SVOPL: variants seen among roughly 807,000 people sequenced by gnomAD.
SVOPL encodes the protein putative transporter SVOPL.
A neutral mutation model predicts 61.0 loss-of-function variants in SVOPL; 60 were observed. The observed-to-expected ratio is 0.98, with a 90% confidence interval of 0.80 to 1.22. SVOPL has a LOEUF of 1.22. SVOPL is among the 50% of genes most tolerant of loss of function. The pLI is 0.00. For missense variants in SVOPL, 662 were observed against 643.9 expected (o/e 1.03, Z -0.30); for synonymous variants, 279 against 250.0 (o/e 1.12, Z -1.09).
rs1799553001 is a variant in SVOPL, at chr7:138,621,233, T to C, written c.1264-98A>G. 6.8e-6 allele frequency: 6 copies of C among 884,058 alleles called. No homozygotes were observed. The Admixed American group carries it at 1.5e-4, about 22-fold the overall frequency. 54.8% of individuals were successfully genotyped at this position (884,058 alleles called of 1,614,324 possible). A position where few individuals can be genotyped will look rare whatever the true frequency, so the allele number is the denominator to read the frequency against. On this transcript the variant is annotated intron_variant, in intron 13 of 15. Transcript: ENST00000674285. ...TCCCCAGGTCAGGTTTTGGAATGCA[T>C]AGAGCACCAAACACAGTTACAGAAT...
chr7:138,637,483 TATAG>T (rs1473432689), intron 9 of SVOPL, among the ~76,000 whole-genome samples: 6 of 12,606 alleles, frequency 4.8e-4, no homozygotes, highest in African/African-American at 2.1e-3. Context: ...TAGATATAGA[TATAG>T]ATAGATATAT....
At chr7:138,687,825 TAG>T (rs1802854519) in intron 1 of SVOPL, among the ~76,000 whole-genome samples, 1 of 151,224 alleles carries the variant, frequency 6.6e-6, no homozygotes, top group Admixed American at 6.6e-5. Context: ...TTTTTTTAAA[TAG>T]AGTCTTGCTC....
chr7:138,651,571 A>G (rs552889801), intron 7 of SVOPL, among the ~76,000 whole-genome samples: 16 of 152,200 alleles, frequency 1.1e-4, no homozygotes, highest in East Asian at 3.9e-4. Flanking sequence ...TGCTCACTTC[A>G]TATCTCTGTC....
Position 138,594,508 on chromosome 7 carries a change from C to T in SVOPL, c.*102G>A. Reference sequence around the variant, plus strand: ...AAAAAAAAAATCACTTTACTAATTACCGAGTAGCATACAGAAGTAAAACCA... The same window carrying T: ...AAAAAAAAAATCACTTTACTAATTATCGAGTAGCATACAGAAGTAAAACCA... On this transcript the variant is annotated 3_prime_UTR_variant, in exon 16 of 16. Coordinates refer to ENST00000674285, the MANE Select transcript of SVOPL (RefSeq NM_001139456.2). 2 of 1,071,138 alleles carry T rather than the reference C, an allele frequency of 1.9e-6. No individual in the cohort carries two copies. The highest frequency in any genetic ancestry group is 3.2e-5 in the South Asian group (2 of 62,714). 66.4% of individuals were successfully genotyped at this position (1,071,138 alleles called of 1,614,324 possible).
chr7:138,628,435 C>A, intron 10 of SVOPL, 72 bp from the exon 11 acceptor site: 2 of 1,485,124 alleles, frequency 1.3e-6, no homozygotes, highest in South Asian at 1.2e-5. Context: ...GAGGGGATAC[C>A]AAGTGGAACG....
At chr7:138,693,216 A>G (rs1173500968) in intron 1 of SVOPL, among the ~76,000 whole-genome samples, 1 of 152,062 alleles carries the variant, frequency 6.6e-6, no homozygotes, top group Admixed American at 6.6e-5. Flanking sequence ...CAATAAAAAG[A>G]AATTTCTTGC....
intron 4 of SVOPL, among the ~76,000 whole-genome samples, chr7:138,668,897 A>T (rs573073468): frequency 7.9e-5 from 12 of 152,292 alleles, no homozygotes; most frequent in African/African-American, 2.6e-4. Flanking sequence ...CCTGACTGCC[A>T]TCCTCCACCC....
At chr7:138,622,254 GTATCTATCTATC>G (rs1380131790) in intron 13 of SVOPL, among the ~76,000 whole-genome samples, 66 of 52,926 alleles carry the variant, frequency 1.2e-3, no homozygotes, top group Non-Finnish European at 1.6e-3. Context: ...ATCTATCTAT[GTATCTATCTATC>G]TATGTATCTA....
At chr7:138,660,279 T>C in intron 5 of SVOPL, 2 of 1,121,362 alleles carry the variant, frequency 1.8e-6, no homozygotes, top group South Asian at 5.5e-5. Flanking sequence ...CAAAAACGTG[T>C]CCTCCCTACT....
chr7:138,689,486 G>T, intron 1 of SVOPL: 1 of 744,502 alleles, frequency 1.3e-6, no homozygotes, highest in South Asian at 1.5e-5. Context: ...TGAAGAAAAA[G>T]ATATCCCAGA....
intron 9 of SVOPL, among the ~76,000 whole-genome samples, chr7:138,635,533 C>T (rs144882108): frequency 6.6e-6 from 1 of 152,024 alleles, no homozygotes; most frequent in African/African-American, 2.4e-5. Context: ...CCACCACACC[C>T]AGCCAGGAGT....
intron 14 of SVOPL, among the ~76,000 whole-genome samples, chr7:138,599,166 A>AC (rs1184250308): frequency 3.2e-5 from 4 of 124,590 alleles, no homozygotes; most frequent in Non-Finnish European, 5.0e-5. Context: ...AACCAAAAAA[A>AC]AAAGAAATAC....
intron 3 of SVOPL, among the ~76,000 whole-genome samples, chr7:138,676,457 C>T (rs1802563580): frequency 6.6e-6 from 1 of 152,092 alleles, no homozygotes; most frequent in Admixed American, 6.6e-5. Flanking sequence ...AACCACTGCG[C>T]TCACAGGGTG....
rs149859604 is a variant in SVOPL at position 138,660,183 on chromosome 7, C to T, written c.346-195G>A. The T allele has an allele frequency of 8.1e-6, 11 of 1,354,370 alleles. No homozygotes were observed. In the Admixed American group the frequency reaches 1.6e-4, roughly 19 times the overall value. The allele number at this position is 1,354,370 out of a possible 1,614,324, so 83.9% of individuals were successfully genotyped here. The stretch of plus-strand genomic sequence containing the variant: ...CCATTCTACTGTCTGGAAGCCCAGA[C>T]CTACCAAGTTCAGACCATTCTTTAA... On this transcript the variant is annotated intron_variant, in intron 5 of 15. Coordinates refer to ENST00000674285, the MANE Select transcript of SVOPL (RefSeq NM_001139456.2).
intron 9 of SVOPL, among the ~76,000 whole-genome samples, chr7:138,638,004 TG>T (rs1322564964): frequency 6.6e-6 from 1 of 152,068 alleles, no homozygotes; most frequent in African/African-American, 2.4e-5. Context: ...CCGGGTGTTG[TG>T]GCTCACACCT....
intron 7 of SVOPL, among the ~76,000 whole-genome samples, chr7:138,653,052 C>T (rs1366851458): frequency 6.6e-6 from 1 of 152,198 alleles, no homozygotes; most frequent in Non-Finnish European, 1.5e-5. Context: ...CCACAACATT[C>T]CCTTAAGCCA....
rs758070371 is a variant in SVOPL at position 138,663,049 on chromosome 7, A to T, written c.345+25T>A. 1.9e-6 allele frequency: 3 copies of T among 1,614,020 alleles called. No homozygotes were observed. In the Admixed American group the frequency reaches 5.0e-5, roughly 27 times the overall value. ...AAAGAATACACAAAAGACAATTCCA[A>T]ATGCTACTGTGAGGCCCCACCTACC... On this transcript the variant is annotated intron_variant, in intron 5 of 15. Transcript: ENST00000674285.
chr7:138,648,154 T>C (rs575216609), intron 8 of SVOPL, among the ~76,000 whole-genome samples: 1 of 151,980 alleles, frequency 6.6e-6, no homozygotes. Context: ...CCTGGGAGTA[T>C]GTCAACAGCA....
intron 9 of SVOPL, among the ~76,000 whole-genome samples, 167 bp downstream of exon 9, chr7:138,644,541 AGGCTCCCAT>A (rs145499870): frequency 1.3e-5 from 2 of 152,346 alleles, no homozygotes; most frequent in East Asian, 3.9e-4. Flanking sequence ...GTAACTCACT[AGGCTCCCAT>A]GGCTCACAGT....
Sources: allele counts gnomAD v4.1 joint callset (sites outside exome capture counted in the v4.1 genomes callset), GRCh38; gene constraint gnomAD v4.1.1; transcripts MANE v1.5; gene names NCBI Gene and HGNC (gene_info 2026-07-23, HGNC 2026-07-21).